The following NELL1 variants were observed in gnomAD, a reference collection of about 807,000 sequenced individuals.
The protein encoded by NELL1 is neural EGFL like 1.
NELL1 carries 76 observed loss-of-function variants against 107.4 expected under a neutral mutation model. The ratio of observed to expected loss-of-function variants is 0.71; its 90% CI spans 0.59 to 0.86. The LOEUF is 0.86. NELL1 is among the 40% of genes least tolerant of loss of function. NELL1 has a pLI of 0.00. For synonymous variants in NELL1, 353 were observed against 341.2 expected (o/e 1.03, Z -0.38); for missense variants, 1,024 against 1,005.5 (o/e 1.02, Z -0.25).
intron 11 of NELL1, among the ~76,000 whole-genome samples, chr11:20,950,057 G>A (rs185647017): frequency 9.4e-4 from 143 of 152,224 alleles, no homozygotes; most frequent in African/African-American, 3.2e-3. Context: ...GTGTTTTCCC[G>A]GGAGGTAGGT....
intron 14 of NELL1, among the ~76,000 whole-genome samples, chr11:21,304,384 TTG>T (rs1849563213): frequency 6.6e-6 from 1 of 152,016 alleles, no homozygotes; most frequent in Non-Finnish European, 1.5e-5. Flanking sequence ...GAGACAGGGC[TTG>T]AACCCTGGTC....
chr11:21,153,318 G>A (rs570439883), intron 13 of NELL1, among the ~76,000 whole-genome samples: 37 of 152,256 alleles, frequency 2.4e-4, no homozygotes, highest in Non-Finnish European at 4.4e-4. Context: ...GTGTATGTGC[G>A]TGCATGTGTG....
intron 13 of NELL1, among the ~76,000 whole-genome samples, chr11:21,164,953 T>G (rs916582968): frequency 5.3e-5 from 8 of 152,234 alleles, no homozygotes; most frequent in Admixed American, 5.2e-4. Flanking sequence ...ATTCAATTAC[T>G]TTCTCACTGA....
At chr11:21,453,767 C>G (rs951082601) in intron 15 of NELL1, among the ~76,000 whole-genome samples, 3 of 149,562 alleles carry the variant, frequency 2.0e-5, no homozygotes, top group Non-Finnish European at 4.4e-5. Context: ...TTTATCTTCA[C>G]TATTAGCTTG....
chr11:20,688,729 A>G (rs2133863009), intron 2 of NELL1, among the ~76,000 whole-genome samples: 1 of 152,136 alleles, frequency 6.6e-6, no homozygotes, highest in Non-Finnish European at 1.5e-5. Context: ...AGAATGATTT[A>G]TTTACTTTTG....
At chr11:21,013,438 A>G (rs1852494349) in intron 12 of NELL1, among the ~76,000 whole-genome samples, 1 of 152,124 alleles carries the variant, frequency 6.6e-6, no homozygotes, top group Non-Finnish European at 1.5e-5. Context: ...GTGAAAATGG[A>G]GAGCTGCAGC....
intron 13 of NELL1, among the ~76,000 whole-genome samples, chr11:21,213,743 C>A (rs12272954): frequency 0.21 from 32,282 of 152,018 alleles, 3,814 homozygotes; most frequent in Non-Finnish European, 0.26. Context: ...AATGGAGAAA[C>A]AGCCTTTTGA....
At chr11:20,970,272 A>G (rs1453365652) in intron 12 of NELL1, among the ~76,000 whole-genome samples, 1 of 152,170 alleles carries the variant, frequency 6.6e-6, no homozygotes, top group Non-Finnish European at 1.5e-5. Flanking sequence ...AAAGTCTGCA[A>G]GGTTGTACAC....
intron 16 of NELL1, among the ~76,000 whole-genome samples, chr11:21,544,556 A>ATACCT: frequency 6.6e-6 from 1 of 152,068 alleles, no homozygotes; most frequent in East Asian, 1.9e-4. Flanking sequence ...AGTAAATATT[A>ATACCT]ATATCTAAGA....
rs191360141 is a variant in NELL1 at position 21,274,965 on chromosome 11, T to C, written c.1549+45511T>C. ...GAAAGCAAGAAAGATCTAAAATTGATACCCTAACATCACAATTAAAAGAAC... is the reference window on the plus strand; with the variant it reads ...GAAAGCAAGAAAGATCTAAAATTGACACCCTAACATCACAATTAAAAGAAC... On this transcript the variant is annotated intron_variant, in intron 14 of 19. Transcript: ENST00000357134. Among the ~76,000 whole-genome samples, 843 of 152,090 alleles carry C rather than the reference T, an allele frequency of 5.5e-3. 12 individuals are homozygous for C. Among genetic ancestry groups the C allele is most frequent in the African/African-American group, 0.019 (777 of 41,504 alleles).
At chr11:21,027,525 A>G (rs756490820) in intron 12 of NELL1, among the ~76,000 whole-genome samples, 1 of 151,590 alleles carries the variant, frequency 6.6e-6, no homozygotes, top group African/African-American at 2.4e-5. Flanking sequence ...GTGAATCTTC[A>G]CATTAGGCCA....
intron 3 of NELL1, among the ~76,000 whole-genome samples, chr11:20,815,479 G>A (rs1022425446): frequency 5.9e-5 from 9 of 152,110 alleles, no homozygotes; most frequent in East Asian, 1.9e-4. Flanking sequence ...GTTTCTGTAC[G>A]TGTCCTTTGC....
intron 15 of NELL1, among the ~76,000 whole-genome samples, chr11:21,454,389 A>G (rs1853668594): frequency 6.6e-6 from 1 of 151,992 alleles, no homozygotes; most frequent in South Asian, 2.1e-4. Flanking sequence ...CAATAAACAT[A>G]CGTGTGCATG....
chr11:21,562,825 G>A (rs1856883130), intron 17 of NELL1, among the ~76,000 whole-genome samples: 1 of 152,020 alleles, frequency 6.6e-6, no homozygotes, highest in African/African-American at 2.4e-5. Flanking sequence ...ACTGCTGAAG[G>A]AAATAGAGTT....
At chr11:20,678,942 T>G (rs1302567959) in intron 2 of NELL1, among the ~76,000 whole-genome samples, 4 of 152,030 alleles carry the variant, frequency 2.6e-5, no homozygotes, top group Non-Finnish European at 4.4e-5. Context: ...ATAAAAAGCC[T>G]GGTATAGGAA....
At chr11:21,328,410 T>C (rs1850194219) in intron 14 of NELL1, among the ~76,000 whole-genome samples, 1 of 152,134 alleles carries the variant, frequency 6.6e-6, no homozygotes, top group South Asian at 2.1e-4. Context: ...CGCCTAGATT[T>C]CAGAGGATGT....
chr11:21,237,170 C>G lies in NELL1; in HGVS notation c.1549+7716C>G, dbSNP rs191870327. ...GCACAGGACTATGGCTGAGCCACCC[C>G]ACTCATTCTCCAGAACATTCAAATT... On this transcript the variant is annotated intron_variant, in intron 14 of 19. Coordinates refer to ENST00000357134, the MANE Select transcript of NELL1 (RefSeq NM_006157.5). Among the ~76,000 whole-genome samples the G allele has an allele frequency of 1.5e-3, 222 of 152,230 alleles. 1 individual carries two copies. Among genetic ancestry groups the G allele is most frequent in the Non-Finnish European group, 1.0e-3 (69 of 67,994 alleles).
At chr11:21,555,555 G>A (rs1856684733) in intron 16 of NELL1, among the ~76,000 whole-genome samples, 1 of 151,826 alleles carries the variant, frequency 6.6e-6, no homozygotes, top group South Asian at 2.1e-4. Context: ...AAAGAAAGGG[G>A]AAGAGTCATT....
chr11:20,943,963 T>C (rs1564979344), intron 10 of NELL1, among the ~76,000 whole-genome samples: 1 of 152,176 alleles, frequency 6.6e-6, no homozygotes, highest in Admixed American at 6.5e-5. Flanking sequence ...CTTTGGGACA[T>C]AGTTAATGGA....
Sources: allele counts gnomAD v4.1 joint callset (sites outside exome capture counted in the v4.1 genomes callset), GRCh38; gene constraint gnomAD v4.1.1; transcripts MANE v1.5; gene names NCBI Gene and HGNC (gene_info 2026-07-23, HGNC 2026-07-21).